The following NALCN variants were observed in gnomAD, a reference collection of about 807,000 sequenced individuals.
NALCN encodes sodium leak channel, non-selective.
Under a neutral mutation model 225.3 loss-of-function variants are expected in NALCN, and 111 were observed. That is an observed-to-expected ratio of 0.49 (90% confidence interval 0.42 to 0.58). NALCN has a LOEUF of 0.58. Ranked by LOEUF, NALCN falls within the 20% of genes least tolerant of loss-of-function variation. The pLI is 0.00. For synonymous variants in NALCN, 764 were observed against 769.0 expected, an observed-to-expected ratio of 0.99 and a Z score of 0.11; for missense variants, 1,378 against 2,202.4, an observed-to-expected ratio of 0.63 and a Z score of 7.49.
At position 101,074,577 on chromosome 13, in the gene NALCN, A is replaced by G; in HGVS notation, c.4040T>C (p.Leu1347Pro). 2 of 1,613,900 alleles carry G rather than the reference A, an allele frequency of 1.2e-6. No homozygotes were observed. The highest frequency in any genetic ancestry group is 1.7e-6 in the Non-Finnish European group (2 of 1,179,988). The change falls in exon 36 of 44, where the codon CTG becomes CCG. Residue 1347 changes from leucine to proline, a missense_variant. By Grantham distance (98) the Leu-to-Pro change is moderately conservative. Coordinates refer to ENST00000251127, the MANE Select transcript of NALCN (RefSeq NM_052867.4). ...FIIVGMFLLL[L>P]CYAFAGVVLF... Reference sequence around the variant, plus strand: ...AACAACTCCAGCAAAAGCGTAACACAGCAGCAAGAGAAACATGCCTACTAT... The same window carrying G: ...AACAACTCCAGCAAAAGCGTAACACGGCAGCAAGAGAAACATGCCTACTAT...
chr13:101,303,322 C>G (rs1010099176), intron 7 of NALCN, among the ~76,000 whole-genome samples: 5 of 152,152 alleles, frequency 3.3e-5, no homozygotes, highest in African/African-American at 1.2e-4. Context: ...TACATGTGGT[C>G]TAGTCTGCCT....
In NALCN at chr13:101,065,629, A is replaced by G. The variant is rs77710803; in HGVS notation, c.4447-68T>C. 1.1e-5 allele frequency: 8 copies of G among 761,344 alleles called. No homozygotes were observed. The African/African-American group carries it at 1.1e-4, about 11-fold the overall frequency. The allele number at this position is 761,344 out of a possible 1,614,324, so 47.2% of individuals were successfully genotyped here. On this transcript the variant is annotated intron_variant, in intron 39 of 43. Coordinates refer to ENST00000251127, the MANE Select transcript of NALCN (RefSeq NM_052867.4). ...ATGATTCACTTGGGTTTCTCAAAAGAAAAAAAAAAAGGTGCTATTTCTCAA... is the reference window on the plus strand; with the variant it reads ...ATGATTCACTTGGGTTTCTCAAAAGGAAAAAAAAAAGGTGCTATTTCTCAA...
chr13:101,155,045 C>A (rs2037838772), intron 15 of NALCN, among the ~76,000 whole-genome samples: 1 of 152,138 alleles, frequency 6.6e-6, no homozygotes, highest in African/African-American at 2.4e-5. Flanking sequence ...AACAAGGCAA[C>A]ACAGGAGCTA....
intron 18 of NALCN, among the ~76,000 whole-genome samples, chr13:101,119,205 T>C (rs2035856869): frequency 6.6e-6 from 1 of 152,212 alleles, no homozygotes. Context: ...AGTGATTATA[T>C]ATATATGTAA....
chr13:101,103,040 G>T, intron 26 of NALCN, 132 bp downstream of exon 26: 1 of 1,037,786 alleles, frequency 9.6e-7, no homozygotes, highest in Non-Finnish European at 1.4e-6. Flanking sequence ...TGTTTTGTTA[G>T]TGCCTCCATT....
intron 42 of NALCN, chr13:101,058,420 G>GATA: frequency 5.2e-6 from 1 of 193,082 alleles, no homozygotes; most frequent in African/African-American, 2.4e-5. Flanking sequence ...GACGGGCTGG[G>GATA]CGGGGGCAGT....
At chr13:101,263,257 T>C (rs1174157779) in intron 10 of NALCN, among the ~76,000 whole-genome samples, 1 of 152,222 alleles carries the variant, frequency 6.6e-6, no homozygotes, top group Non-Finnish European at 1.5e-5. Flanking sequence ...CCAATCAACA[T>C]GTTTATATGC....
At chr13:101,408,968 T>A (rs115353053) in intron 1 of NALCN, among the ~76,000 whole-genome samples, 12 of 152,208 alleles carry the variant, frequency 7.9e-5, no homozygotes, top group Admixed American at 6.5e-4. Flanking sequence ...AGTCTATTTC[T>A]TAAATCCCAA....
At chr13:101,313,254 T>G (rs2044420344) in intron 7 of NALCN, among the ~76,000 whole-genome samples, 1 of 152,032 alleles carries the variant, frequency 6.6e-6, no homozygotes, top group South Asian at 2.1e-4. Flanking sequence ...GGCAATACCA[T>G]TCAGGACATA....
At chr13:101,411,229 A>G (rs1156727409) in intron 1 of NALCN, among the ~76,000 whole-genome samples, 2 of 147,576 alleles carry the variant, frequency 1.4e-5, no homozygotes, top group Non-Finnish European at 3.0e-5. Flanking sequence ...TTTTTTTTGT[A>G]CTTCTTAAGA....
intron 18 of NALCN, among the ~76,000 whole-genome samples, chr13:101,123,699 T>G (rs1251360687): frequency 6.6e-6 from 1 of 152,204 alleles, no homozygotes; most frequent in Non-Finnish European, 1.5e-5. Flanking sequence ...GTTAGGAAAT[T>G]TTTTTTGCAC....
In NALCN at chr13:101,062,126, G is replaced by A. The variant is rs552674725; in HGVS notation, c.4605-8C>T. Reference sequence around the variant, plus strand: ...GACCGGTATGAAAGCATGCTGGTGGGAGAAACACACCTGCAATCGCAGCTC... The same window carrying A: ...GACCGGTATGAAAGCATGCTGGTGGAAGAAACACACCTGCAATCGCAGCTC... On this transcript the variant is annotated splice_region_variant and splice_polypyrimidine_tract_variant and intron_variant, in intron 40 of 43. Transcript: ENST00000251127. The A allele has an allele frequency of 4.0e-5, 64 of 1,613,752 alleles. 2 individuals carry two copies. The South Asian group carries it at 5.6e-4, about 14-fold the overall frequency.
At chr13:101,280,135 G>C (rs570166170) in intron 10 of NALCN, among the ~76,000 whole-genome samples, 2 of 151,954 alleles carry the variant, frequency 1.3e-5, no homozygotes, top group Non-Finnish European at 2.9e-5. Flanking sequence ...GCTCCTGCCC[G>C]GTACAAACAG....
intron 10 of NALCN, among the ~76,000 whole-genome samples, chr13:101,276,178 A>G (rs566827915): frequency 1.3e-5 from 2 of 151,806 alleles, no homozygotes; most frequent in Admixed American, 1.3e-4. Flanking sequence ...TGCAGGCATG[A>G]CAGAGGATGG....
chr13:101,347,808 A>G lies in NALCN; in HGVS notation c.645-2388T>C, dbSNP rs546444001. Among the ~76,000 whole-genome samples, 11 of 152,316 alleles carry G rather than the reference A, an allele frequency of 7.2e-5. No homozygotes were observed. In the South Asian group the frequency reaches 2.3e-3, roughly 32 times the overall value. ...ATGTGAGGGTTAAGTAAAGTAAACC[A>G]AGTAATGCACTTTGCATAGCACCTA... On this transcript the variant is annotated intron_variant, in intron 6 of 43. Transcript: ENST00000251127.
chr13:101,250,717 G>A (rs778330510), intron 11 of NALCN, among the ~76,000 whole-genome samples: 7 of 151,872 alleles, frequency 4.6e-5, no homozygotes, highest in Non-Finnish European at 8.8e-5. Context: ...AATTAAAGAT[G>A]ACTATATCTT....
At chr13:101,407,720 T>C (rs2047664018) in intron 1 of NALCN, among the ~76,000 whole-genome samples, 1 of 152,214 alleles carries the variant, frequency 6.6e-6, no homozygotes, top group South Asian at 2.1e-4. Flanking sequence ...AAGTAGTCTA[T>C]TTGTCGGGAG....
At chr13:101,229,265 T>G in intron 13 of NALCN, 128 bp downstream of exon 13, 1 of 914,416 alleles carries the variant, frequency 1.1e-6, no homozygotes, top group Admixed American at 3.0e-5. Flanking sequence ...TATTAAAATC[T>G]AATTATCCCA....
At chr13:101,406,113 G>A (rs1350475362) in intron 1 of NALCN, among the ~76,000 whole-genome samples, 1 of 146,392 alleles carries the variant, frequency 6.8e-6, no homozygotes, top group African/African-American at 2.5e-5. Context: ...CCAGGAGTTC[G>A]AGACCAGCCT....
Sources: gnomAD v4.1 joint callset for allele counts (sites outside exome capture counted in the v4.1 genomes callset) on GRCh38, gnomAD v4.1.1 for gene constraint, MANE v1.5 for transcripts, NCBI Gene and HGNC (gene_info 2026-07-23, HGNC 2026-07-21) for gene names.